ARHGEF26: variants seen among roughly 807,000 people sequenced by gnomAD.
ARHGEF26 encodes the protein Rho guanine nucleotide exchange factor 26.
ARHGEF26 carries 59 observed loss-of-function variants against 89.4 expected under a neutral mutation model. That is an observed-to-expected ratio of 0.66 (90% CI 0.54 to 0.82). ARHGEF26 has a LOEUF of 0.82. Ranked by LOEUF, ARHGEF26 falls within the 40% of genes least tolerant of loss-of-function variation. The pLI, the probability that ARHGEF26 is intolerant of heterozygous loss-of-function variation, is 0.00. For synonymous variants in ARHGEF26, 500 were observed against 428.4 expected, an observed-to-expected ratio of 1.17 and a Z score of -2.06; for missense variants, 1,234 against 1,085.6, an observed-to-expected ratio of 1.14 and a Z score of -1.92.
chr3:154,134,298 A>G (rs1718870504), intron 4 of ARHGEF26, among the ~76,000 whole-genome samples: 2 of 152,102 alleles, frequency 1.3e-5, no homozygotes, highest in Non-Finnish European at 2.9e-5. Flanking sequence ...TGGGTAATTT[A>G]TACAGGAAAA....
intron 10 of ARHGEF26, among the ~76,000 whole-genome samples, chr3:154,225,101 G>C (rs1375627105): frequency 6.6e-6 from 1 of 151,758 alleles, no homozygotes; most frequent in Non-Finnish European, 1.5e-5. Flanking sequence ...CTGTAGTTTT[G>C]AGAGTTTTCC....
intron 6 of ARHGEF26, among the ~76,000 whole-genome samples, chr3:154,165,057 T>A (rs1274508670): frequency 1.3e-5 from 2 of 152,116 alleles, no homozygotes; most frequent in Admixed American, 1.3e-4. Flanking sequence ...TTATCTTTGA[T>A]TTTTGGAGGA....
At chr3:154,149,502 CT>C in intron 5 of ARHGEF26, 57 bp downstream of exon 5, 2 of 1,464,052 alleles carry the variant, frequency 1.4e-6, no homozygotes, top group Non-Finnish European at 1.9e-6. Context: ...TCGGTGTCTG[CT>C]TTTTTGTGTT....
chr3:154,236,238 AAAAG>A (rs1717120574), intron 11 of ARHGEF26, among the ~76,000 whole-genome samples: 1 of 152,232 alleles, frequency 6.6e-6, no homozygotes, highest in Non-Finnish European at 1.5e-5. Flanking sequence ...TAAAAACAAG[AAAAG>A]AAAGAAATCT....
chr3:154,140,422 A>G (rs1719288296), intron 4 of ARHGEF26, among the ~76,000 whole-genome samples: 1 of 152,184 alleles, frequency 6.6e-6, no homozygotes, highest in Admixed American at 6.5e-5. Context: ...ACATGTACCT[A>G]GGGCTCTGGA....
intron 6 of ARHGEF26, 74 bp from the exon 7 acceptor site, chr3:154,187,606 AACATT>A: frequency 8.0e-7 from 1 of 1,250,506 alleles, no homozygotes; most frequent in South Asian, 1.8e-5. Flanking sequence ...CCCGTGTAAT[AACATT>A]ACATGAGGCT....
intron 11 of ARHGEF26, among the ~76,000 whole-genome samples, chr3:154,233,844 G>A (rs1234183901): frequency 6.6e-6 from 1 of 152,230 alleles, no homozygotes; most frequent in Non-Finnish European, 1.5e-5. Flanking sequence ...AACGCAGGCA[G>A]CTGCTAACTC....
intron 9 of ARHGEF26, among the ~76,000 whole-genome samples, chr3:154,210,802 T>G (rs9842567): frequency 1 from 151,572 of 151,580 alleles, 75,782 homozygotes; most frequent in Middle Eastern, 1. Context: ...AATTAGCTGG[T>G]TGTGGTGGTG....
intron 4 of ARHGEF26, among the ~76,000 whole-genome samples, chr3:154,145,612 G>T (rs561782721): frequency 6.6e-6 from 1 of 152,192 alleles, no homozygotes; most frequent in East Asian, 1.9e-4. Flanking sequence ...CCTAGTGGTG[G>T]GCAAAAATAG....
intron 9 of ARHGEF26, among the ~76,000 whole-genome samples, chr3:154,204,856 T>A (rs982661337): frequency 5.3e-5 from 8 of 152,228 alleles, no homozygotes; most frequent in African/African-American, 1.9e-4. Flanking sequence ...ATTTTTAGTT[T>A]TATTTCATTG....
At chr3:154,230,640 A>G (rs1230449024) in intron 11 of ARHGEF26, among the ~76,000 whole-genome samples, 1 of 152,178 alleles carries the variant, frequency 6.6e-6, no homozygotes, top group Non-Finnish European at 1.5e-5. Flanking sequence ...TAGCATCAGA[A>G]TCTGGGGAAG....
chr3:154,162,276 A>G (rs1711711389), intron 6 of ARHGEF26, among the ~76,000 whole-genome samples: 1 of 152,192 alleles, frequency 6.6e-6, no homozygotes, highest in African/African-American at 2.4e-5. Context: ...TTTGTATTCT[A>G]GCCAAGTTAA....
chr3:154,200,331 G>T (rs539519292), intron 9 of ARHGEF26, among the ~76,000 whole-genome samples: 6 of 152,238 alleles, frequency 3.9e-5, no homozygotes, highest in African/African-American at 1.4e-4. Context: ...TTTCCTCAGT[G>T]TATGTTTTTG....
At chr3:154,230,042 TC>T (rs1716739887) in intron 11 of ARHGEF26, among the ~76,000 whole-genome samples, 1 of 152,220 alleles carries the variant, frequency 6.6e-6, no homozygotes, top group Non-Finnish European at 1.5e-5. Context: ...CAAAACTGAA[TC>T]CAAGATCTAA....
In ARHGEF26 at chr3:154,122,621, C is replaced by A. The variant is rs761379636; in HGVS notation, c.629C>A (p.Ser210Tyr). 2.5e-6 allele frequency: 4 copies of A among 1,613,716 alleles called. No homozygotes were observed. The highest frequency in any genetic ancestry group is 1.3e-5 in the African/African-American group (1 of 74,944). ...CTCTTTCCTGGGCCCCAGAAAAGTT[C>A]TTCGGAACAAAAACTCCCCCTCCAA... ...RGLFPGPQKS[S>Y]SEQKLPLQRL... The change falls in exon 2 of 15, where the codon TCT becomes TAT. Residue 210 changes from serine to tyrosine, a missense_variant. By Grantham distance (144) the Ser-to-Tyr change is moderately radical. Transcript: ENST00000465093.
chr3:154,217,431 A>T (rs1715835169), intron 9 of ARHGEF26, among the ~76,000 whole-genome samples: 1 of 151,946 alleles, frequency 6.6e-6, no homozygotes, highest in Non-Finnish European at 1.5e-5. Context: ...GATTCTGGAT[A>T]TTAGCCCTTT....
chr3:154,237,170 A>G (rs936081802), intron 11 of ARHGEF26, among the ~76,000 whole-genome samples: 6 of 152,222 alleles, frequency 3.9e-5, no homozygotes, highest in Admixed American at 2.6e-4. Context: ...ATTGCTTAAG[A>G]GAACAATTAA....
At chr3:154,207,668 C>T (rs879335087) in intron 9 of ARHGEF26, among the ~76,000 whole-genome samples, 1 of 152,134 alleles carries the variant, frequency 6.6e-6, no homozygotes, top group Non-Finnish European at 1.5e-5. Context: ...TTAGTTCAAC[C>T]ATTATTGAAG....
In ARHGEF26 at chr3:154,135,702, G is replaced by A. The variant is rs575818292; in HGVS notation, c.1269+5983G>A. ...GAAAATATTGATTGTATTAGTCAGG[G>A]ATGGAACACTGTGTACTTGTTACAG... On this transcript the variant is annotated intron_variant, in intron 4 of 14. Coordinates refer to ENST00000465093, the MANE Select transcript of ARHGEF26 (RefSeq NM_015595.4). 1.8e-4 allele frequency among the ~76,000 whole-genome samples: 27 copies of A among 152,296 alleles called. 1 individual carries two copies. The highest frequency in any genetic ancestry group is 6.3e-4 in the African/African-American group (26 of 41,568).
Sources: gnomAD v4.1 joint callset for allele counts (sites outside exome capture counted in the v4.1 genomes callset) on GRCh38, gnomAD v4.1.1 for gene constraint, MANE v1.5 for transcripts, NCBI Gene and HGNC (gene_info 2026-07-23, HGNC 2026-07-21) for gene names.